The following ZNF431 variants were observed in gnomAD, a reference collection of about 807,000 sequenced individuals.
The protein encoded by ZNF431 is zinc finger protein 431.
In ZNF431, 34 loss-of-function variants were observed where a neutral mutation model predicts 57.0. The observed-to-expected ratio is 0.60, with a 90% CI of 0.45 to 0.79. The LOEUF is 0.79. ZNF431 is among the 30% of genes least tolerant of loss of function. The pLI is 0.00. For synonymous variants in ZNF431, 207 were observed against 220.3 expected (o/e 0.94, Z 0.54); for missense variants, 607 against 667.1 (o/e 0.91, Z 0.99).
intron 1 of ZNF431, 38 bp from the exon 2 acceptor site, chr19:21,143,513 C>T (rs752811777): frequency 6.6e-7 from 1 of 1,513,446 alleles, no homozygotes; most frequent in Non-Finnish European, 9.2e-7. Flanking sequence ...GCTAAAGTGC[C>T]TAGTGAATAT....
intron 2 of ZNF431, chr19:21,149,609 TTA>T (rs1018276669): frequency 4.1e-6 from 1 of 246,766 alleles, no homozygotes; most frequent in African/African-American, 2.3e-5. Flanking sequence ...TTGTATTATT[TTA>T]ATTATTTTTA....
intron 4 of ZNF431, among the ~76,000 whole-genome samples, chr19:21,180,451 T>C (rs552902123): frequency 6.6e-6 from 1 of 152,332 alleles, no homozygotes; most frequent in South Asian, 2.1e-4. Context: ...ACTATTGTTA[T>C]TTTGTTAATT....
In ZNF431 at chr19:21,184,050, T is replaced by C. The variant is rs1568317277; in HGVS notation, c.*16T>C. The C allele has an allele frequency of 1.3e-6, 2 of 1,536,090 alleles. No homozygotes were observed. The highest frequency in any genetic ancestry group is 2.3e-5 in the East Asian group (1 of 44,444). ...AAGCCTTTAAGCAGTCCTCAACTCT[T>C]ACTAAGCATTAAATATTGGCCGGGT... On this transcript the variant is annotated 3_prime_UTR_variant, in exon 5 of 5. Transcript: ENST00000311048.
intron 2 of ZNF431, among the ~76,000 whole-genome samples, chr19:21,162,256 C>T (rs1201500332): frequency 6.6e-6 from 1 of 152,040 alleles, no homozygotes; most frequent in Non-Finnish European, 1.5e-5. Flanking sequence ...ACACTGCAAC[C>T]TCCATCTATG....
intron 2 of ZNF431, chr19:21,149,770 G>A (rs1864208): frequency 0.93 from 593,059 of 635,028 alleles, 278,090 homozygotes; most frequent in Middle Eastern, 0.97. Flanking sequence ...TGTCATTGTA[G>A]TTGGTCCTGA....
At chr19:21,161,777 C>T (rs960675301) in intron 2 of ZNF431, among the ~76,000 whole-genome samples, 1 of 152,078 alleles carries the variant, frequency 6.6e-6, no homozygotes, top group African/African-American at 2.4e-5. Flanking sequence ...CCTCATCCTC[C>T]CGAGTAGCTG....
rs186094863 is a variant in ZNF431, at chr19:21,190,856, T to G, written c.*6822T>G. ...TTGTATTTTTAGTAGAGACGGGGTT[T>G]TTCTATATTGGTCAGGCTGGTCTCG... On this transcript the variant is annotated 3_prime_UTR_variant, in exon 5 of 5. Transcript: ENST00000311048. 3.9e-5 allele frequency: 6 copies of G among 152,110 alleles called. No individual in the cohort carries two copies. The highest frequency in any genetic ancestry group is 2.1e-4 in the South Asian group (1 of 4,820). The allele number at this position is 152,110 out of a possible 1,614,324, so 9.4% of individuals were successfully genotyped here. A position where few individuals can be genotyped will look rare whatever the true frequency, so the allele number is the denominator to read the frequency against.
intron 4 of ZNF431, among the ~76,000 whole-genome samples, chr19:21,173,845 G>GT (rs1324413887): frequency 7.9e-5 from 12 of 151,822 alleles, no homozygotes; most frequent in African/African-American, 2.9e-4. Context: ...ATTTTTATGA[G>GT]TTTCTCTACA....
At chr19:21,154,010 C>T (rs1189591350) in intron 2 of ZNF431, among the ~76,000 whole-genome samples, 1 of 152,166 alleles carries the variant, frequency 6.6e-6, no homozygotes, top group Non-Finnish European at 1.5e-5. Flanking sequence ...GCCGCCGCAC[C>T]CATTGGGAGT....
intron 4 of ZNF431, among the ~76,000 whole-genome samples, chr19:21,172,511 T>C (rs1599607164): frequency 6.6e-6 from 1 of 152,004 alleles, no homozygotes; most frequent in Admixed American, 6.6e-5. Context: ...AAGTGCACAT[T>C]TCAGGGCCAG....
intron 3 of ZNF431, 53 bp downstream of exon 3, chr19:21,166,514 T>C (rs1970725324): frequency 3.3e-6 from 5 of 1,527,912 alleles, no homozygotes; most frequent in Non-Finnish European, 4.4e-6. Context: ...GTTTCATGTC[T>C]CTTTTTTTGT....
At chr19:21,164,052 G>A (rs1226879524) in intron 2 of ZNF431, among the ~76,000 whole-genome samples, 1 of 145,170 alleles carries the variant, frequency 6.9e-6, no homozygotes, top group Non-Finnish European at 1.5e-5. Flanking sequence ...TTACACTCGA[G>A]CCTGGTAAGA....
chr19:21,175,697 T>C (rs1025025184), intron 4 of ZNF431, among the ~76,000 whole-genome samples: 2 of 152,240 alleles, frequency 1.3e-5, no homozygotes, highest in African/African-American at 4.8e-5. Flanking sequence ...GTTCTTGTAT[T>C]AGTTTGCTGA....
At chr19:21,163,241 C>A (rs1389098895) in intron 2 of ZNF431, among the ~76,000 whole-genome samples, 1 of 152,188 alleles carries the variant, frequency 6.6e-6, no homozygotes, top group African/African-American at 2.4e-5. Context: ...TCTGAAATTG[C>A]TGCTTTCTGT....
At chr19:21,143,705 A>C in intron 2 of ZNF431, 62 bp downstream of exon 2, 1 of 1,263,880 alleles carries the variant, frequency 7.9e-7, no homozygotes, top group South Asian at 1.2e-5. Context: ...TTGGGGACAC[A>C]TTGCTGGTCA....
chr19:21,171,378 C>T (rs1034795409), intron 4 of ZNF431, among the ~76,000 whole-genome samples: 2 of 151,438 alleles, frequency 1.3e-5, no homozygotes, highest in African/African-American at 2.4e-5. Flanking sequence ...TTCTTATTAG[C>T]GTTTTTTCAG....
intron 2 of ZNF431, among the ~76,000 whole-genome samples, chr19:21,160,451 C>A (rs1475533241): frequency 6.6e-6 from 1 of 152,154 alleles, no homozygotes. Flanking sequence ...CATGCTGGAG[C>A]AGAGTATTCT....
At chr19:21,176,791 G>A (rs1478771920) in intron 4 of ZNF431, among the ~76,000 whole-genome samples, 1 of 151,748 alleles carries the variant, frequency 6.6e-6, no homozygotes, top group African/African-American at 2.4e-5. Flanking sequence ...TCCACTTCCC[G>A]GGTTCAAGCA....
rs1426044152 is a variant in ZNF431 at position 21,148,861 on chromosome 19, TGGCTAACTTGATGTGTCCCA to T, written c.96+5222_96+5241del. On this transcript the variant is annotated intron_variant, in intron 2 of 4. Transcript: ENST00000311048. ...CCAGTGTATTAATAGTTAGGGGGTG[TGGCTAACTTGATGTGTCCCA>T]GGCCTTACTTAGCTGTAAAACAGGC... Among the ~76,000 whole-genome samples the T allele has an allele frequency of 2.0e-5, 3 of 152,282 alleles. No homozygotes were observed. The East Asian group carries it at 5.8e-4, about 29-fold the overall frequency.
Sources: allele counts gnomAD v4.1 joint callset (sites outside exome capture counted in the v4.1 genomes callset), GRCh38; gene constraint gnomAD v4.1.1; transcripts MANE v1.5; gene names NCBI Gene and HGNC (gene_info 2026-07-23, HGNC 2026-07-21).